ITPR3: variants seen among roughly 807,000 people sequenced by gnomAD.
ITPR3 encodes inositol 1,4,5-trisphosphate receptor type 3, also known as inositol 1,4,5-trisphosphate-gated calcium channel ITPR3.
In ITPR3, 173 loss-of-function variants were observed where a neutral mutation model predicts 293.2. The ratio of observed to expected loss-of-function variants is 0.59; its 90% CI spans 0.52 to 0.67. The LOEUF (loss-of-function observed/expected upper bound fraction) is 0.67. Ranked by LOEUF, ITPR3 falls within the 30% of genes least tolerant of loss-of-function variation. ITPR3 has a pLI of 0.00. For synonymous variants in ITPR3, 1,295 were observed against 1,444.4 expected, an observed-to-expected ratio of 0.90 and a Z score of 2.35; for missense variants, 2,796 against 3,592.1, an observed-to-expected ratio of 0.78 and a Z score of 5.66.
At chr6:33,630,858 G>A (rs1763661694) in intron 1 of ITPR3, among the ~76,000 whole-genome samples, 1 of 152,188 alleles carries the variant, frequency 6.6e-6, no homozygotes, top group Admixed American at 6.5e-5. Flanking sequence ...ATACTGTCTG[G>A]CCCCCCGTTG....
intron 2 of ITPR3, among the ~76,000 whole-genome samples, chr6:33,645,849 G>GT (rs1251418600): frequency 2.0e-5 from 3 of 147,330 alleles, no homozygotes; most frequent in Non-Finnish European, 4.5e-5. Flanking sequence ...TTTTTCTTTC[G>GT]TTTTTTGAGA....
chr6:33,685,984 G>C, intron 41 of ITPR3, 69 bp from the exon 42 acceptor site: 1 of 1,576,182 alleles, frequency 6.3e-7, no homozygotes. Context: ...ACACAAGATC[G>C]TGCTTCCCAG....
chr6:33,690,871 G>GCCCAGCCCCTCAAGGTGCCAT, intron 51 of ITPR3, 46 bp from the exon 52 acceptor site: 1 of 1,575,908 alleles, frequency 6.3e-7, no homozygotes, highest in African/African-American at 1.3e-5. Context: ...AGAGTGGCCG[G>GCCCAGCCCCTCAAGGTGCCAT]CCCAGCCCCT....
intron 26 of ITPR3, 23 bp downstream of exon 26, chr6:33,676,955 A>G: frequency 6.2e-7 from 1 of 1,613,950 alleles, no homozygotes; most frequent in Non-Finnish European, 8.5e-7. Flanking sequence ...CCAGGGGGCC[A>G]GGGCAGGCCT....
intron 1 of ITPR3, among the ~76,000 whole-genome samples, chr6:33,626,317 G>A (rs1246477969): frequency 6.6e-6 from 1 of 152,170 alleles, no homozygotes; most frequent in Non-Finnish European, 1.5e-5. Flanking sequence ...TGCTCTGGCT[G>A]TACCTGAGAA....
At chr6:33,642,435 C>T (rs935252094) in intron 2 of ITPR3, among the ~76,000 whole-genome samples, 5 of 151,824 alleles carry the variant, frequency 3.3e-5, no homozygotes, top group Admixed American at 6.6e-5. Context: ...GGTGAGGGTC[C>T]CAAGGGTGGG....
chr6:33,663,017 G>C lies in ITPR3; in HGVS notation c.954+11G>C. 1 of 1,586,884 alleles carries C rather than the reference G, an allele frequency of 6.3e-7. No homozygotes were observed. On this transcript the variant is annotated intron_variant, in intron 9 of 57. Transcript: ENST00000605930. ...TACCTGGCTGCTGAGGTGAGCGGGA[G>C]GTAGAGGGCATGCTGGGGCTCGTGT...
intron 6 of ITPR3, 46 bp downstream of exon 6, chr6:33,659,165 A>T: frequency 6.5e-7 from 1 of 1,531,432 alleles, no homozygotes; most frequent in Non-Finnish European, 9.0e-7. Flanking sequence ...ACGTCCACAC[A>T]CCCCTGGTGG....
rs775356723 is a variant in ITPR3 at position 33,694,933 on chromosome 6, C to T, written c.7795C>T (p.Leu2599=). Reference sequence around the variant, plus strand: ...TGGTGATGTTTTTCAGAACAAGAACCTGGACTGGTTCCCCCGGATGCGGGC... The same window carrying T: ...TGGTGATGTTTTTCAGAACAAGAACTTGGACTGGTTCCCCCGGATGCGGGC... ...YVAQMIKNKN[L]DWFPRMRAMS... Residue 2599 remains leucine (L), a synonymous_variant, in exon 57 of 58, where the codon CTG becomes TTG. Transcript: ENST00000605930. The T allele has an allele frequency of 3.7e-6, 6 of 1,614,160 alleles. No homozygotes were observed. In the Admixed American group the frequency reaches 1.0e-4, roughly 27 times the overall value.
chr6:33,658,590 AG>A lies in ITPR3; in HGVS notation c.370-76del, dbSNP rs1342710889. The A allele has an allele frequency of 1.3e-6, 2 of 1,526,710 alleles. No homozygotes were observed. The highest frequency in any genetic ancestry group is 1.4e-5 in the African/African-American group (1 of 73,066). 94.6% of individuals were successfully genotyped at this position (1,526,710 alleles called of 1,614,324 possible). A position where few individuals can be genotyped will look rare whatever the true frequency, so the allele number is the denominator to read the frequency against. ...GCAGCCAGAATGTGACCAAGGGTCT[AG>A]GGGATCCCCCCATATCCCCTCCCTA... is the stretch of plus-strand genomic sequence containing the variant. On this transcript the variant is annotated intron_variant, in intron 4 of 57. Transcript: ENST00000605930. This position sits in a 1 kb window ranked among gnomAD's most constrained non-coding sequence, Gnocchi z 6.1.
At chr6:33,637,929 G>A (rs1032322342) in intron 1 of ITPR3, among the ~76,000 whole-genome samples, 2 of 151,284 alleles carry the variant, frequency 1.3e-5, no homozygotes, top group African/African-American at 4.9e-5. Context: ...GATTACAGGC[G>A]TGAGCCACTG....
Position 33,691,021 on chromosome 6 carries a change from G to C in ITPR3, c.7137G>C (p.Leu2379=). ...TGACAGCCCTGCTGGCCCTCATCCT[G>C]GTCTACCTCTTCTCCATCGTCGGCT... ...ILLTALLALI[L]VYLFSIVGFL... The change falls in exon 52 of 58, where the codon CTG becomes CTC. Residue 2379 remains leucine (L), a synonymous_variant. Coordinates refer to ENST00000605930, the MANE Select transcript of ITPR3 (RefSeq NM_002224.4). The surrounding 1 kb of genome is among the most constrained non-coding windows in gnomAD (Gnocchi z 4.9). 6.2e-7 allele frequency: 1 copy of C among 1,614,158 alleles called. No homozygotes were observed. The highest frequency in any genetic ancestry group is 1.1e-5 in the South Asian group (1 of 91,070).
At position 33,692,857 on chromosome 6, in the gene ITPR3, AAGG is replaced by A. The variant is rs1561884903; in HGVS notation, c.7594_7596del (p.Glu2532del). The A allele has an allele frequency of 6.2e-7, 1 of 1,614,118 alleles. No individual in the cohort carries two copies. Among genetic ancestry groups the A allele is most frequent in the Non-Finnish European group, 8.5e-7 (1 of 1,180,024 alleles). On this transcript the variant is annotated inframe_deletion, in exon 55 of 58. Transcript: ENST00000605930. The surrounding 1 kb of genome is among the most constrained non-coding windows in gnomAD (Gnocchi z 4.2). ...TGACCTGCGTAGTGAGAAGCAGAAGAAGGAGGAGATTCTTAAGACGACATGCTT... is the reference window on the plus strand; with the variant it reads ...TGACCTGCGTAGTGAGAAGCAGAAGAAGGAGATTCTTAAGACGACATGCTT...
At position 33,675,973 on chromosome 6, in the gene ITPR3, G is replaced by T. The variant is rs1431960896; in HGVS notation, c.3282+117G>T. On this transcript the variant is annotated intron_variant, in intron 25 of 57. Coordinates refer to ENST00000605930, the MANE Select transcript of ITPR3 (RefSeq NM_002224.4). The surrounding 1 kb of genome is among the most constrained non-coding windows in gnomAD (Gnocchi z 5.0). ...GGGGTAACTTGGGATGCCCATTTGG[G>T]GTTTTCAGCCTTGCTGAGTTCCTAG... The T allele has an allele frequency of 4.0e-6, 5 of 1,257,892 alleles. No individual in the cohort carries two copies. In the Admixed American group the frequency reaches 1.2e-4, roughly 30 times the overall value. 77.9% of individuals were successfully genotyped at this position (1,257,892 alleles called of 1,614,324 possible).
intron 56 of ITPR3, among the ~76,000 whole-genome samples, chr6:33,693,956 G>T (rs975944801): frequency 6.6e-6 from 1 of 152,246 alleles, no homozygotes; most frequent in Non-Finnish European, 1.5e-5. Flanking sequence ...CGCTGCTGCA[G>T]AGGGGCCTCC....
At chr6:33,631,563 G>A (rs761371774) in intron 1 of ITPR3, among the ~76,000 whole-genome samples, 29 of 152,214 alleles carry the variant, frequency 1.9e-4, no homozygotes, top group Non-Finnish European at 3.8e-4. Context: ...TCTTCAAAGA[G>A]GAACCAGGAG....
At position 33,688,687 on chromosome 6, in the gene ITPR3, C is replaced by T; in HGVS notation, c.6600C>T (p.Arg2200=). 3 of 1,614,198 alleles carry T rather than the reference C, an allele frequency of 1.9e-6. No homozygotes were observed. The highest frequency in any genetic ancestry group is 2.5e-6 in the Non-Finnish European group (3 of 1,180,018). ...CGCTGATCTACTGGTTCTCCCGCCGCATGACCCTGTGGGGCAGCATCTCCT... is the reference window on the plus strand; with the variant it reads ...CGCTGATCTACTGGTTCTCCCGCCGTATGACCCTGTGGGGCAGCATCTCCT... The part of the protein sequence containing the change: ...SMPLIYWFSR[R]MTLWGSISFN... The change falls in exon 49 of 58, where the codon CGC becomes CGT. Residue 2200 remains arginine (R), a synonymous_variant. Coordinates refer to ENST00000605930, the MANE Select transcript of ITPR3 (RefSeq NM_002224.4).
intron 2 of ITPR3, among the ~76,000 whole-genome samples, chr6:33,646,980 T>C (rs914965809): frequency 2.6e-5 from 4 of 152,064 alleles, no homozygotes; most frequent in East Asian, 1.9e-4. Flanking sequence ...CATGAGAAAA[T>C]AGTCTCCTAC....
In ITPR3 at chr6:33,679,536, G is replaced by A. The variant is rs1430015826; in HGVS notation, c.3973-346G>A. Among the ~76,000 whole-genome samples the A allele has an allele frequency of 6.6e-6, 1 of 152,242 alleles. No homozygotes were observed. Among genetic ancestry groups the A allele is most frequent in the Non-Finnish European group, 1.5e-5 (1 of 68,046 alleles). ...CTGGCACGAGAGGTGTGTGCTCAGT[G>A]AGGAGGGTTTAAGTAACTGCTGCGG... On this transcript the variant is annotated intron_variant, in intron 30 of 57. Transcript: ENST00000605930. This position sits in a 1 kb window ranked among gnomAD's most constrained non-coding sequence, Gnocchi z 4.2.
Sources: allele counts gnomAD v4.1 joint callset (sites outside exome capture counted in the v4.1 genomes callset), GRCh38; gene constraint gnomAD v4.1.1; non-coding constraint Gnocchi (gnomAD v3.1); transcripts MANE v1.5; gene names NCBI Gene and HGNC (gene_info 2026-07-23, HGNC 2026-07-21).